Variants in LZTS1 observed in about 807,000 individuals in gnomAD.
LZTS1 encodes leucine zipper putative tumor suppressor 1.
In LZTS1, 31 loss-of-function variants were observed where a neutral mutation model predicts 45.8. The ratio of observed to expected loss-of-function variants is 0.68; its 90% CI spans 0.51 to 0.91. The LOEUF (loss-of-function observed/expected upper bound fraction) is 0.91. Among genes scored for constraint, LZTS1 ranks in the 40% least tolerant of loss-of-function variants. The pLI is 0.00. For missense variants in LZTS1, 821 were observed against 788.9 expected, an observed-to-expected ratio of 1.04 and a Z score of -0.49; for synonymous variants, 359 against 357.3, an observed-to-expected ratio of 1.00 and a Z score of -0.05.
In LZTS1 at chr8:20,281,488, G is replaced by A. The variant is rs532694590; in HGVS notation, c.-135+22252C>T. ...CTCGGGAGGCCGAGGCAGGAGAATCGCTTGCACCTGAGGCAGAAGTTGCAG... is the reference window on the plus strand; with the variant it reads ...CTCGGGAGGCCGAGGCAGGAGAATCACTTGCACCTGAGGCAGAAGTTGCAG... On this transcript the variant is annotated intron_variant, in intron 1 of 3. Transcript: ENST00000381569. Among the ~76,000 whole-genome samples the A allele has an allele frequency of 6.6e-4, 101 of 152,096 alleles. 1 individual carries two copies. Among genetic ancestry groups the A allele is most frequent in the South Asian group, 3.3e-3 (16 of 4,822 alleles).
In LZTS1 at chr8:20,274,374, G is replaced by A. The variant is rs117754152; in HGVS notation, c.-134-19059C>T. Among the ~76,000 whole-genome samples the A allele has an allele frequency of 6.1e-3, 928 of 152,188 alleles. 4 individuals carry two copies. Among genetic ancestry groups the A allele is most frequent in the Middle Eastern group, 0.02 (6 of 294 alleles). ...AACACTCTACACAGTGGGTGTTTAC[G>A]AACTTTTCATCCCTTCTCCTCATCC... On this transcript the variant is annotated intron_variant, in intron 1 of 3. Coordinates refer to ENST00000381569, the MANE Select transcript of LZTS1 (RefSeq NM_021020.5).
chr8:20,297,510 G>T (rs1800996489), intron 1 of LZTS1, among the ~76,000 whole-genome samples: 1 of 152,160 alleles, frequency 6.6e-6, no homozygotes, highest in Admixed American at 6.5e-5. Flanking sequence ...CGCCTCCCGG[G>T]TTCAAGCAAT....
chr8:20,277,157 TGA>T (rs1286232782), intron 1 of LZTS1, among the ~76,000 whole-genome samples: 4 of 152,246 alleles, frequency 2.6e-5, no homozygotes, highest in African/African-American at 7.2e-5. Context: ...AAGATGGTGA[TGA>T]GAGTGACCTC....
chr8:20,290,093 C>T (rs1376657858), intron 1 of LZTS1: 1 of 152,304 alleles, frequency 6.6e-6, no homozygotes, highest in East Asian at 1.9e-4. Context: ...CCTGGGCATT[C>T]CTACAAGCCA....
chr8:20,286,561 C>CA (rs1175483687), intron 1 of LZTS1, among the ~76,000 whole-genome samples: 1 of 152,208 alleles, frequency 6.6e-6, no homozygotes, highest in Non-Finnish European at 1.5e-5. Flanking sequence ...GGAGGGAGTG[C>CA]AGACATGCTC....
intron 3 of LZTS1, among the ~76,000 whole-genome samples, chr8:20,251,087 G>C (rs1200653303): frequency 9.6e-6 from 1 of 104,150 alleles, no homozygotes; most frequent in Admixed American, 1.2e-4. Flanking sequence ...GAAGTGACCA[G>C]CCTGAGGGCT....
chr8:20,299,801 G>C (rs1474574161), intron 1 of LZTS1, among the ~76,000 whole-genome samples: 2 of 152,174 alleles, frequency 1.3e-5, no homozygotes, highest in Non-Finnish European at 2.9e-5. Flanking sequence ...TGCAAGCCTA[G>C]GAGTGTCCAT....
intron 1 of LZTS1, among the ~76,000 whole-genome samples, chr8:20,292,125 G>A (rs1206528894): frequency 6.6e-6 from 1 of 152,256 alleles, no homozygotes. Context: ...AAGGCAAGAT[G>A]AAAACGCCTG....
At chr8:20,258,465 C>T (rs371769136) in intron 1 of LZTS1, among the ~76,000 whole-genome samples, 4 of 152,244 alleles carry the variant, frequency 2.6e-5, no homozygotes, top group African/African-American at 7.2e-5. Context: ...TTCAAACTTG[C>T]GTTATCATCC....
chr8:20,258,278 C>T (rs1800152292), intron 1 of LZTS1, among the ~76,000 whole-genome samples: 1 of 152,174 alleles, frequency 6.6e-6, no homozygotes. Flanking sequence ...TTATACCATC[C>T]ATCCTAAAGG....
At chr8:20,281,268 T>C (rs1800686437) in intron 1 of LZTS1, among the ~76,000 whole-genome samples, 1 of 151,972 alleles carries the variant, frequency 6.6e-6, no homozygotes, top group East Asian at 1.9e-4. Flanking sequence ...CCCTCAAGAA[T>C]GGCTTAGTGG....
intron 3 of LZTS1, among the ~76,000 whole-genome samples, chr8:20,251,958 A>T (rs987419807): frequency 6.6e-6 from 1 of 152,176 alleles, no homozygotes; most frequent in African/African-American, 2.4e-5. Context: ...GCACATAGCC[A>T]GGGGTTTGCG....
intron 1 of LZTS1, among the ~76,000 whole-genome samples, chr8:20,298,291 AC>A (rs1801012106): frequency 6.6e-6 from 1 of 151,972 alleles, no homozygotes; most frequent in Non-Finnish European, 1.5e-5. Context: ...TGAACTCCTG[AC>A]CTCAGATGAT....
rs1166118174 is a variant in LZTS1, at chr8:20,250,027, C to T, written c.1486G>A (p.Asp496Asn). ...AGCTCCCGCTGCAGGGCAGGGACGTCCTCGGGGAAGGTGGGCGGCCCCATG... is the reference window on the plus strand; with the variant it reads ...AGCTCCCGCTGCAGGGCAGGGACGTTCTCGGGGAAGGTGGGCGGCCCCATG... ...RDMGPPTFPE[D>N]VPALQRELER... The change falls in exon 4 of 4, where the codon GAC becomes AAC. Residue 496 changes from aspartate (D) to asparagine (N), a missense_variant. Coordinates refer to ENST00000381569, the MANE Select transcript of LZTS1 (RefSeq NM_021020.5). 3 of 1,611,166 alleles carry T rather than the reference C, an allele frequency of 1.9e-6. No individual in the cohort carries two copies. Among genetic ancestry groups the T allele is most frequent in the Non-Finnish European group, 2.5e-6 (3 of 1,179,306 alleles).
intron 1 of LZTS1, among the ~76,000 whole-genome samples, chr8:20,302,769 A>C (rs1563152724): frequency 6.6e-6 from 1 of 152,228 alleles, no homozygotes; most frequent in African/African-American, 2.4e-5. Flanking sequence ...AGGAGGCCAG[A>C]TCCCTAAGCA....
In LZTS1 at chr8:20,273,778, G is replaced by GTT. The variant is rs796073706; in HGVS notation, c.-134-18465_-134-18464dup. On this transcript the variant is annotated intron_variant, in intron 1 of 3. Coordinates refer to ENST00000381569, the MANE Select transcript of LZTS1 (RefSeq NM_021020.5). ...GGAAATTAATAGACCTGTTATATTT[G>GTT]TTTTTTTTTTTCCTAGCTCTCCCAA... Among the ~76,000 whole-genome samples, 295 of 150,050 alleles carry GTT rather than the reference G, an allele frequency of 2.0e-3. 2 individuals are homozygous for GTT. The highest frequency in any genetic ancestry group is 6.9e-3 in the African/African-American group (277 of 39,880).
At chr8:20,303,618 G>C (rs1801120301) in intron 1 of LZTS1, 122 bp downstream of exon 1, 5 of 854,522 alleles carry the variant, frequency 5.9e-6, no homozygotes, top group Non-Finnish European at 7.0e-6. Flanking sequence ...GACACAGACA[G>C]ACAAAGACCG....
chr8:20,251,098 AATAT>A (rs527759585), intron 3 of LZTS1, among the ~76,000 whole-genome samples: 445 of 40,890 alleles, frequency 0.011, 7 homozygotes, highest in African/African-American at 0.02. Flanking sequence ...CCTGAGGGCT[AATAT>A]ATATATATAT....
intron 1 of LZTS1, among the ~76,000 whole-genome samples, chr8:20,296,648 CA>C (rs2128899656): frequency 6.6e-6 from 1 of 152,264 alleles, no homozygotes; most frequent in African/African-American, 2.4e-5. Flanking sequence ...AAGCACGTCT[CA>C]GAGGGAGAGA....
Sources: allele counts gnomAD v4.1 joint callset (sites outside exome capture counted in the v4.1 genomes callset), GRCh38; gene constraint gnomAD v4.1.1; transcripts MANE v1.5; gene names NCBI Gene and HGNC (gene_info 2026-07-23, HGNC 2026-07-21).